The following RNF167 variants were observed in gnomAD, a reference collection of about 807,000 sequenced individuals.
The protein encoded by RNF167 is E3 ubiquitin-protein ligase RNF167.
In RNF167, 19 loss-of-function variants were observed where a neutral mutation model predicts 34.8. The ratio of observed to expected loss-of-function variants is 0.55; its 90% CI spans 0.38 to 0.80. The LOEUF is 0.80. Among genes scored for constraint, RNF167 ranks in the 30% least tolerant of loss-of-function variants. The pLI, the probability that RNF167 is intolerant of heterozygous loss-of-function variation, is 0.00. For missense variants in RNF167, 464 were observed against 447.0 expected (o/e 1.04, Z -0.34); for synonymous variants, 200 against 170.4 (o/e 1.17, Z -1.35).
chr17:4,944,309 T>TG (rs1971154687), intron 8 of RNF167: 1 of 821,352 alleles, frequency 1.2e-6, no homozygotes, highest in African/African-American at 1.8e-5. Context: ...CCATTTCCGT[T>TG]CCTTCCACTC....
intron 3 of RNF167, among the ~76,000 whole-genome samples, chr17:4,941,534 G>A (rs1222818762): frequency 1.3e-5 from 2 of 152,138 alleles, no homozygotes; most frequent in Admixed American, 6.5e-5. Flanking sequence ...GATATTAGAA[G>A]TTTTCCTAGG....
chr17:4,943,151 C>G (rs1971000938), intron 6 of RNF167, 28 bp from the exon 7 acceptor site: 1 of 1,597,278 alleles, frequency 6.3e-7, no homozygotes, highest in African/African-American at 1.3e-5. Flanking sequence ...CTTTCTCGCC[C>G]TGCTGAGACT....
At position 4,945,024 on chromosome 17, in the gene RNF167, C is replaced by G; in HGVS notation, c.*8C>G. 1 of 1,527,306 alleles carries G rather than the reference C, an allele frequency of 6.5e-7. No individual in the cohort carries two copies. The highest frequency in any genetic ancestry group is 8.8e-7 in the Non-Finnish European group (1 of 1,137,184). The allele number at this position is 1,527,306 out of a possible 1,614,324, so 94.6% of individuals were successfully genotyped here. Reference sequence around the variant, plus strand: ...CCTGTTATCCTGGTCTAATAACCCCCCACACATACACCTCTGGTGACCTAT... The same window carrying G: ...CCTGTTATCCTGGTCTAATAACCCCGCACACATACACCTCTGGTGACCTAT... On this transcript the variant is annotated 3_prime_UTR_variant, in exon 10 of 10. Transcript: ENST00000262482.
intron 4 of RNF167, 39 bp downstream of exon 4, chr17:4,942,505 A>C (rs1049538058): frequency 1.1e-5 from 17 of 1,556,854 alleles, no homozygotes; most frequent in African/African-American, 4.1e-5. Context: ...AGCTGAGGGT[A>C]AAAAAAAGGC....
At position 4,942,846 on chromosome 17, in the gene RNF167, T is replaced by A. The variant is rs1008589437; in HGVS notation, c.380-5T>A. ...GTCCCCAGAGTAACACCTTGATCCC[T>A]GCAGAGGAAATCCAGCAGCAGATCT... On this transcript the variant is annotated splice_polypyrimidine_tract_variant and splice_region_variant and intron_variant, in intron 5 of 9. Coordinates refer to ENST00000262482, the MANE Select transcript of RNF167 (RefSeq NM_015528.3). 2 of 1,614,042 alleles carry A rather than the reference T, an allele frequency of 1.2e-6. No individual in the cohort carries two copies. Among genetic ancestry groups the A allele is most frequent in the Non-Finnish European group, 8.5e-7 (1 of 1,179,868 alleles).
chr17:4,940,695 T>C lies in RNF167; in HGVS notation c.-215T>C. On this transcript the variant is annotated 5_prime_UTR_variant, in exon 2 of 10. Coordinates refer to ENST00000262482, the MANE Select transcript of RNF167 (RefSeq NM_015528.3). ...TATCCCCGTACCAGAAAAGGATACA[T>C]TTAGTGCCTCCCACCCAGCTCCACT... 2.1e-6 allele frequency: 1 copy of C among 472,916 alleles called. No homozygotes were observed. Among genetic ancestry groups the C allele is most frequent in the Non-Finnish European group, 3.7e-6 (1 of 267,102 alleles). 29.3% of individuals were successfully genotyped at this position (472,916 alleles called of 1,614,324 possible). A position where few individuals can be genotyped will look rare whatever the true frequency, so the allele number is the denominator to read the frequency against.
Position 4,940,549 on chromosome 17 carries a change from G to A in RNF167, c.-361G>A, listed in dbSNP as rs910357201. 3 of 227,388 alleles carry A rather than the reference G, an allele frequency of 1.3e-5. No individual in the cohort carries two copies. Among genetic ancestry groups the A allele is most frequent in the South Asian group, 1.6e-4 (1 of 6,068 alleles). 14.1% of individuals were successfully genotyped at this position (227,388 alleles called of 1,614,324 possible). On this transcript the variant is annotated 5_prime_UTR_variant, in exon 2 of 10. Coordinates refer to ENST00000262482, the MANE Select transcript of RNF167 (RefSeq NM_015528.3). ...AGCGGCCTGATTTTCTCTACCGGAA[G>A]CCCTTTTCCAGAGGCTGGGAACACG...
chr17:4,941,166 C>CTTTCT lies in RNF167; in HGVS notation c.165+19_165+23dup. ...GCCAGGAGGGCCTCCAGGTGATTTT[C>CTTTCT]TTTCTTTTCTTTTCCTCCTTCCCTC... On this transcript the variant is annotated intron_variant, in intron 3 of 9. Coordinates refer to ENST00000262482, the MANE Select transcript of RNF167 (RefSeq NM_015528.3). 6.2e-7 allele frequency: 1 copy of CTTTCT among 1,610,416 alleles called. No individual in the cohort carries two copies. Among genetic ancestry groups the CTTTCT allele is most frequent in the Middle Eastern group, 1.7e-4 (1 of 6,058 alleles).
intron 9 of RNF167, 21 bp from the exon 10 acceptor site, chr17:4,944,694 T>TCA: frequency 6.2e-7 from 1 of 1,614,072 alleles, no homozygotes; most frequent in Non-Finnish European, 8.5e-7. Context: ...ACCAGGTGCT[T>TCA]CACCTTGTTC....
Position 4,940,946 on chromosome 17 carries a change from G to A in RNF167, c.37G>A (p.Ala13Thr), listed in dbSNP as rs1188189867. The change falls in exon 2 of 10, where the codon GCC becomes ACC. Residue 13 changes from alanine (A) to threonine (T), a missense_variant. By Grantham distance (58) the Ala-to-Thr change is moderately conservative. Coordinates refer to ENST00000262482, the MANE Select transcript of RNF167 (RefSeq NM_015528.3). Reference protein sequence around the residue: ...PAAFPLPVVVAAVLWGAAPTR... With the variant: ...PAAFPLPVVVTAVLWGAAPTR... ...AGCCTTCCCGCTTCCTGTGGTTGTG[G>A]CCGCTGTGCTGTGGGGAGCGGCCCC... 1 of 1,610,462 alleles carries A rather than the reference G, an allele frequency of 6.2e-7. No individual in the cohort carries two copies. Among genetic ancestry groups the A allele is most frequent in the Admixed American group, 1.7e-5 (1 of 59,696 alleles).
At position 4,940,688 on chromosome 17, in the gene RNF167, G is replaced by T; in HGVS notation, c.-222G>T. 1 of 447,238 alleles carries T rather than the reference G, an allele frequency of 2.2e-6. No individual in the cohort carries two copies. 27.7% of individuals were successfully genotyped at this position (447,238 alleles called of 1,614,324 possible). A position where few individuals can be genotyped will look rare whatever the true frequency, so the allele number is the denominator to read the frequency against. Reference sequence around the variant, plus strand: ...CGCGTTTTATCCCCGTACCAGAAAAGGATACATTTAGTGCCTCCCACCCAG... The same window carrying T: ...CGCGTTTTATCCCCGTACCAGAAAATGATACATTTAGTGCCTCCCACCCAG... On this transcript the variant is annotated 5_prime_UTR_variant, in exon 2 of 10. The change creates a new upstream start codon in the 5' untranslated region. Coordinates refer to ENST00000262482, the MANE Select transcript of RNF167 (RefSeq NM_015528.3).
rs573230621 is a variant in RNF167, at chr17:4,943,414, C to G, written c.577-12C>G. On this transcript the variant is annotated splice_polypyrimidine_tract_variant and intron_variant, in intron 7 of 9. Coordinates refer to ENST00000262482, the MANE Select transcript of RNF167 (RefSeq NM_015528.3). ...TTCCTAAGCCTTGTCCATCCACCCC[C>G]GCTTCCCCCAGATAGCTCGTTGTAT... 8.1e-6 allele frequency: 13 copies of G among 1,612,082 alleles called. 1 individual carries two copies. Among genetic ancestry groups the G allele is most frequent in the Non-Finnish European group, 1.1e-5 (13 of 1,178,956 alleles).
chr17:4,942,609 C>G lies in RNF167; in HGVS notation c.324C>G (p.Ala108=), dbSNP rs149050030. 1 of 1,614,132 alleles carries G rather than the reference C, an allele frequency of 6.2e-7. No homozygotes were observed. Among genetic ancestry groups the G allele is most frequent in the Non-Finnish European group, 8.5e-7 (1 of 1,180,020 alleles). ...ATGCCCAGAAGGCTGGATATGGTGCCGCTGTAGTACACAATGTGAATTCCA... is the reference window on the plus strand; with the variant it reads ...ATGCCCAGAAGGCTGGATATGGTGCGGCTGTAGTACACAATGTGAATTCCA... The part of the protein sequence containing the change: ...VLNAQKAGYG[A]AVVHNVNSNE... The change falls in exon 5 of 10, where the codon GCC becomes GCG. Residue 108 remains alanine (A), a synonymous_variant. Transcript: ENST00000262482.
chr17:4,941,072 C>T lies in RNF167; in HGVS notation c.85-5C>T. The T allele has an allele frequency of 6.2e-7, 1 of 1,614,130 alleles. No individual in the cohort carries two copies. Among genetic ancestry groups the T allele is most frequent in the Non-Finnish European group, 8.5e-7 (1 of 1,180,002 alleles). On this transcript the variant is annotated splice_region_variant and splice_polypyrimidine_tract_variant and intron_variant, in intron 2 of 9. Transcript: ENST00000262482. ...GAAGGGGAACATCGCCTTTTTTGTC[C>T]GCAGACCTCGGACCACAATGCCAGC...
chr17:4,944,510 G>T, intron 8 of RNF167, 48 bp from the exon 9 acceptor site: 1 of 1,533,290 alleles, frequency 6.5e-7, no homozygotes, highest in South Asian at 1.3e-5. Flanking sequence ...CTTAGCCCTG[G>T]GTCATTGTGG....
In RNF167 at chr17:4,942,908, A is replaced by T; in HGVS notation, c.437A>T (p.Glu146Val). Residue 146 changes from glutamate (E) to valine (V), a missense_variant, in exon 6 of 10, where the codon GAG becomes GTG. Physicochemically the swap from Glu to Val is moderately radical, Grantham distance 121 (BLOSUM62 -2). Transcript: ENST00000262482. ...PSVFIGERSSEYLRALFVYEK... is the reference protein window; with the variant it reads ...PSVFIGERSSVYLRALFVYEK... ...GTATTTATTGGGGAGAGAAGCTCCG[A>T]GTACCTGCGTGCCCTCTTTGTCTAC... 2 of 1,614,164 alleles carry T rather than the reference A, an allele frequency of 1.2e-6. No homozygotes were observed. Among genetic ancestry groups the T allele is most frequent in the South Asian group, 2.2e-5 (2 of 91,092 alleles).
intron 6 of RNF167, 75 bp downstream of exon 6, chr17:4,943,016 T>C (rs1597667807): frequency 7.0e-7 from 1 of 1,436,628 alleles, no homozygotes; most frequent in East Asian, 2.3e-5. Context: ...GGCCTCCTCA[T>C]TACCCGAACC....
upstream of RNF167, chr17:4,940,177 AT>A (rs756504541): frequency 6.3e-4 from 236 of 373,500 alleles, no homozygotes; most frequent in Non-Finnish European, 9.2e-4. Context: ...TTTTCACCGA[AT>A]TAGAATCGCG....
intron 5 of RNF167, 85 bp downstream of exon 5, chr17:4,942,749 A>C: frequency 6.3e-7 from 1 of 1,586,480 alleles, no homozygotes; most frequent in East Asian, 2.2e-5. Flanking sequence ...AAAAGAAGCC[A>C]ATCCTTTAGG....
Sources: allele counts gnomAD v4.1 joint callset (sites outside exome capture counted in the v4.1 genomes callset), GRCh38; gene constraint gnomAD v4.1.1; transcripts MANE v1.5; gene names NCBI Gene and HGNC (gene_info 2026-07-23, HGNC 2026-07-21).